The following PTMS variants were observed in gnomAD, a reference collection of about 807,000 sequenced individuals.
PTMS encodes the protein parathymosin.
A neutral mutation model predicts 18.4 loss-of-function variants in PTMS; 5 were observed. The observed-to-expected ratio is 0.27, with a 90% CI of 0.14 to 0.57. The LOEUF (loss-of-function observed/expected upper bound fraction) is 0.57. PTMS is among the 20% of genes least tolerant of loss of function. The pLI is 0.92. For missense variants in PTMS, 93 were observed against 124.6 expected (o/e 0.75, Z 1.21); for synonymous variants, 53 against 47.7 (o/e 1.11, Z -0.46).
In PTMS at chr12:6,766,444, C is replaced by A; in HGVS notation, c.-262C>A. ...TACCGCGGCCGAGCGCGCCGGCCAC[C>A]GCCTGCACCGCCCTTCCGCCCGCCC... On this transcript the variant is annotated 5_prime_UTR_variant, in exon 1 of 5. Coordinates refer to ENST00000309083, the MANE Select transcript of PTMS (RefSeq NM_002824.6). 4.7e-6 allele frequency: 1 copy of A among 213,198 alleles called. No homozygotes were observed. 13.2% of individuals were successfully genotyped at this position (213,198 alleles called of 1,614,324 possible).
At chr12:6,769,461 C>T (rs1226159978) in intron 1 of PTMS, 142 bp from the exon 2 acceptor site, 1 of 882,048 alleles carries the variant, frequency 1.1e-6, no homozygotes, top group Non-Finnish European at 1.9e-6. Flanking sequence ...GACCCTAGGG[C>T]CCCTATTCTG....
intron 1 of PTMS, among the ~76,000 whole-genome samples, chr12:6,768,041 T>C (rs143592075): frequency 0.011 from 1,686 of 152,268 alleles, 33 homozygotes; most frequent in African/African-American, 0.037. Flanking sequence ...GTGCCTGTGT[T>C]GAGTAAATGA....
chr12:6,768,334 C>T (rs1017609877), intron 1 of PTMS, among the ~76,000 whole-genome samples: 3 of 152,146 alleles, frequency 2.0e-5, no homozygotes, highest in African/African-American at 7.2e-5. Flanking sequence ...AGTGGAAATG[C>T]CATACTGACC....
In PTMS at chr12:6,769,309, C is replaced by G. The variant is rs118151830; in HGVS notation, c.46-294C>G. 1.8e-3 allele frequency: 823 copies of G among 453,498 alleles called. 19 individuals are homozygous for G. The East Asian group carries it at 0.035, about 19-fold the overall frequency. The allele number at this position is 453,498 out of a possible 1,614,324, so 28.1% of individuals were successfully genotyped here. On this transcript the variant is annotated intron_variant, in intron 1 of 4. Transcript: ENST00000309083. ...GCTTTGCTGAGCTGAACTCTTCAGC[C>G]AGTGAGGTTTGGGAGAACTTGATGG...
intron 2 of PTMS, 91 bp from the exon 3 acceptor site, chr12:6,769,830 C>CT (rs749023407): frequency 8.7e-6 from 14 of 1,610,084 alleles, no homozygotes; most frequent in Non-Finnish European, 1.2e-5. Context: ...ATCCCAAGCC[C>CT]TTTTATCACC....
intron 1 of PTMS, chr12:6,767,090 G>C (rs1006062732): frequency 6.5e-6 from 1 of 154,016 alleles, no homozygotes; most frequent in African/African-American, 2.4e-5. Context: ...ACTTTGCCGC[G>C]CCCCCTCCCT....
Position 6,766,663 on chromosome 12 carries a change from G to A in PTMS, c.-43G>A, listed in dbSNP as rs1175244319. On this transcript the variant is annotated 5_prime_UTR_variant, in exon 1 of 5. Transcript: ENST00000309083. Reference sequence around the variant, plus strand: ...TCCAGGGCCCCTCCGTCTCGGCCCCGGGACCCCGGCTCCCCGCCAGCCCCG... The same window carrying A: ...TCCAGGGCCCCTCCGTCTCGGCCCCAGGACCCCGGCTCCCCGCCAGCCCCG... 3 of 1,102,036 alleles carry A rather than the reference G, an allele frequency of 2.7e-6. No individual in the cohort carries two copies. Among genetic ancestry groups the A allele is most frequent in the African/African-American group, 1.7e-5 (1 of 58,866 alleles). The allele number at this position is 1,102,036 out of a possible 1,614,324, so 68.3% of individuals were successfully genotyped here.
chr12:6,769,980 A>C lies in PTMS; in HGVS notation c.177A>C (p.Glu59Asp). ...EEETAEDGEE[E>D]DEGEEEDEEE... is the part of the protein sequence containing the mutation. ...AAACTGCCGAGGATGGAGAGGAGGA[A>C]GATGAAGGGGAAGAAGAAGGTGGGG... The change falls in exon 3 of 5, where the codon GAA becomes GAC. Residue 59 changes from glutamate (E) to aspartate (D), a missense_variant. By Grantham distance (45) the Glu-to-Asp change is conservative. Coordinates refer to ENST00000309083, the MANE Select transcript of PTMS (RefSeq NM_002824.6). 1 of 1,553,660 alleles carries C rather than the reference A, an allele frequency of 6.4e-7. No homozygotes were observed. Among genetic ancestry groups the C allele is most frequent in the Non-Finnish European group, 8.7e-7 (1 of 1,147,622 alleles).
At chr12:6,766,833 GC>G in intron 1 of PTMS, 83 bp downstream of exon 1, 1 of 926,142 alleles carries the variant, frequency 1.1e-6, no homozygotes, top group Non-Finnish European at 1.3e-6. Flanking sequence ...GCCCCCGACG[GC>G]CCCGCGCGGC....
Position 6,770,732 on chromosome 12 carries a change from T to G in PTMS, c.*290T>G. 1 of 511,004 alleles carries G rather than the reference T, an allele frequency of 2.0e-6. No homozygotes were observed. Among genetic ancestry groups the G allele is most frequent in the Non-Finnish European group, 3.6e-6 (1 of 280,132 alleles). 31.7% of individuals were successfully genotyped at this position (511,004 alleles called of 1,614,324 possible). A position where few individuals can be genotyped will look rare whatever the true frequency, so the allele number is the denominator to read the frequency against. The stretch of plus-strand genomic sequence containing the variant: ...CTTTCTCCCTCCCCTACCAGCCTCA[T>G]TCTTCCTCCGGTAGCCTCTCCCACC... On this transcript the variant is annotated 3_prime_UTR_variant, in exon 5 of 5. Transcript: ENST00000309083. This position sits in a 1 kb window ranked among gnomAD's most constrained non-coding sequence, Gnocchi z 7.3.
In PTMS at chr12:6,770,513, A is replaced by C; in HGVS notation, c.*71A>C. ...GGTGGGGGTGGGGGCAGCCAAGTCCAGCCACTCTTCACCTGGCTCCCTGCT... is the reference window on the plus strand; with the variant it reads ...GGTGGGGGTGGGGGCAGCCAAGTCCCGCCACTCTTCACCTGGCTCCCTGCT... On this transcript the variant is annotated 3_prime_UTR_variant, in exon 5 of 5. Transcript: ENST00000309083. The surrounding 1 kb of genome is among the most constrained non-coding windows in gnomAD (Gnocchi z 7.3). The C allele has an allele frequency of 1.3e-6, 2 of 1,544,372 alleles. No homozygotes were observed. The highest frequency in any genetic ancestry group is 1.8e-6 in the Non-Finnish European group (2 of 1,117,310).
At chr12:6,767,382 T>C (rs1941780860) in intron 1 of PTMS, 2 of 152,198 alleles carry the variant, frequency 1.3e-5, no homozygotes, top group Admixed American at 1.3e-4. Flanking sequence ...GGGGCAGGAC[T>C]AGCCTTCGAA....
chr12:6,768,238 C>T (rs762324180), intron 1 of PTMS, among the ~76,000 whole-genome samples: 1 of 152,224 alleles, frequency 6.6e-6, no homozygotes, highest in Non-Finnish European at 1.5e-5. Flanking sequence ...CAGGGCCATA[C>T]AGACTTTTGG....
chr12:6,766,836 CCG>C, intron 1 of PTMS, 86 bp downstream of exon 1: 3 of 919,368 alleles, frequency 3.3e-6, no homozygotes, highest in Non-Finnish European at 3.9e-6. Context: ...CCCGACGGCC[CCG>C]CGCGGCCCTT....
Position 6,770,383 on chromosome 12 carries a change from T to C in PTMS, c.259-9T>C, listed in dbSNP as rs1941822396. 1 of 1,613,034 alleles carries C rather than the reference T, an allele frequency of 6.2e-7. No individual in the cohort carries two copies. Among genetic ancestry groups the C allele is most frequent in the East Asian group, 2.2e-5 (1 of 44,778 alleles). Reference sequence around the variant, plus strand: ...TTTTACAGCTCCCCCATTCTCTCCCTCTCCACAGGATGAAGCGGATCCCAA... The same window carrying C: ...TTTTACAGCTCCCCCATTCTCTCCCCCTCCACAGGATGAAGCGGATCCCAA... On this transcript the variant is annotated splice_polypyrimidine_tract_variant and intron_variant, in intron 4 of 4. Transcript: ENST00000309083. The surrounding 1 kb of genome is among the most constrained non-coding windows in gnomAD (Gnocchi z 7.3).
rs1196107505 is a variant in PTMS, at chr12:6,766,767, C to T, written c.45+17C>T. ...AGCGCCAAGGTACGGGCGGGGGCGG[C>T]GGCGGCCCGGACCTCGCGCAGCCCT... On this transcript the variant is annotated intron_variant, in intron 1 of 4. Transcript: ENST00000309083. 9.4e-7 allele frequency: 1 copy of T among 1,063,416 alleles called. No individual in the cohort carries two copies. The allele number at this position is 1,063,416 out of a possible 1,614,324, so 65.9% of individuals were successfully genotyped here. A position where few individuals can be genotyped will look rare whatever the true frequency, so the allele number is the denominator to read the frequency against.
chr12:6,770,422 G>A lies in PTMS; in HGVS notation c.289G>A (p.Glu97Lys). 1 of 1,611,068 alleles carries A rather than the reference G, an allele frequency of 6.2e-7. No homozygotes were observed. The highest frequency in any genetic ancestry group is 8.5e-7 in the Non-Finnish European group (1 of 1,179,480). ...DEADPKRQKTENGASA is the reference protein window; with the variant it reads ...DEADPKRQKTKNGASA Reference sequence around the variant, plus strand: ...AGCGGATCCCAAACGGCAGAAGACAGAAAATGGGGCATCGGCGTGAGCCCC... The same window carrying A: ...AGCGGATCCCAAACGGCAGAAGACAAAAAATGGGGCATCGGCGTGAGCCCC... The change falls in exon 5 of 5, where the codon GAA becomes AAA. Residue 97 changes from glutamate to lysine, a missense_variant. By Grantham distance (56) the Glu-to-Lys change is moderately conservative. Transcript: ENST00000309083. This position sits in a 1 kb window ranked among gnomAD's most constrained non-coding sequence, Gnocchi z 7.3.
rs1025446403 is a variant in PTMS, at chr12:6,769,911, G to A, written c.118-10G>A. On this transcript the variant is annotated splice_polypyrimidine_tract_variant and intron_variant, in intron 2 of 4. Transcript: ENST00000309083. ...CAGCCTGAGGCTACTCCCTCTCCTG[G>A]TCCCCACAGGAGGAGGAGAACGGGG... The A allele has an allele frequency of 2.6e-6, 4 of 1,562,788 alleles. No homozygotes were observed. The highest frequency in any genetic ancestry group is 1.9e-5 in the Admixed American group (1 of 51,792).
rs147146673 is a variant in PTMS, at chr12:6,770,707, C to CT, written c.*268dup. ...AATTGCTCCTCTCTCTCTTTGCTCT[C>CT]TTTCTCCCTCCCCTACCAGCCTCAT... On this transcript the variant is annotated 3_prime_UTR_variant, in exon 5 of 5. Transcript: ENST00000309083. The surrounding 1 kb of genome is among the most constrained non-coding windows in gnomAD (Gnocchi z 7.3). The CT allele has an allele frequency of 0.013, 7,485 of 564,660 alleles. 480 individuals are homozygous for CT. The highest frequency in any genetic ancestry group is 0.12 in the African/African-American group (6,602 of 53,002). The allele number at this position is 564,660 out of a possible 1,614,324, so 35.0% of individuals were successfully genotyped here. A position where few individuals can be genotyped will look rare whatever the true frequency, so the allele number is the denominator to read the frequency against.
Sources: gnomAD v4.1 joint callset for allele counts (sites outside exome capture counted in the v4.1 genomes callset) on GRCh38, gnomAD v4.1.1 for gene constraint, Gnocchi (gnomAD v3.1) non-coding constraint, MANE v1.5 for transcripts, NCBI Gene and HGNC (gene_info 2026-07-23, HGNC 2026-07-21) for gene names.